MID1: variants seen among roughly 807,000 people sequenced by gnomAD.
The protein encoded by MID1 is midline 1.
A neutral mutation model predicts 40.4 loss-of-function variants in MID1; 7 were observed. The ratio of observed to expected loss-of-function variants is 0.17; its 90% CI spans 0.10 to 0.33. The LOEUF (loss-of-function observed/expected upper bound fraction) is 0.33, where lower values mean the gene tolerates loss of function less well. Among genes scored for constraint, MID1 ranks in the 10% least tolerant of loss-of-function variants. The pLI is 1.00. For synonymous variants in MID1, 229 were observed against 221.2 expected (o/e 1.04, Z -0.31); for missense variants, 367 against 558.5 (o/e 0.66, Z 3.46).
In MID1 at chrX:10,542,015, T is replaced by C. The variant is rs190515950; in HGVS notation, c.661-18828A>G. Among the ~76,000 whole-genome samples the C allele has an allele frequency of 5.4e-3, 605 of 112,359 alleles. 2 individuals are homozygous for C. Among genetic ancestry groups the C allele is most frequent in the Non-Finnish European group, 9.3e-3 (498 of 53,272 alleles). On this transcript the variant is annotated intron_variant, in intron 2 of 9. Coordinates refer to ENST00000317552, the MANE Select transcript of MID1 (RefSeq NM_000381.4). The stretch of plus-strand genomic sequence containing the variant: ...ACGGAACTTAGTGTGGACAGCGTTC[T>C]AATGGCATAGAATGGAATTTGGCAA...
chrX:10,486,646 G>A (rs925457116), intron 4 of MID1, among the ~76,000 whole-genome samples: 3 of 111,913 alleles, frequency 2.7e-5, no homozygotes, highest in Non-Finnish European at 3.8e-5. Context: ...AAAGGAGTGC[G>A]GCCCTCATCT....
chrX:10,696,649 G>A (rs1391382908), intron 1 of MID1, among the ~76,000 whole-genome samples: 1 of 111,877 alleles, frequency 8.9e-6, no homozygotes, highest in Non-Finnish European at 1.9e-5. Flanking sequence ...ATGTTGAAAT[G>A]ATAATAACTT....
chrX:10,538,007 T>C (rs1032624509), intron 2 of MID1, among the ~76,000 whole-genome samples: 3 of 111,959 alleles, frequency 2.7e-5, no homozygotes, highest in Admixed American at 9.5e-5. Flanking sequence ...TGTCTCACTT[T>C]GTCACCCAGG....
chrX:10,450,990 T>C (rs1276259886), intron 9 of MID1, among the ~76,000 whole-genome samples: 1 of 111,933 alleles, frequency 8.9e-6, no homozygotes, highest in Non-Finnish European at 1.9e-5. Flanking sequence ...CATGGGTCTT[T>C]AATAAAATGA....
chrX:10,804,462 T>C lies in MID1; in HGVS notation c.-187+29092A>G, dbSNP rs1048889857. On this transcript the variant is annotated intron_variant, in intron 1 of 10. Coordinates refer to the MID1 transcript ENST00000380785. Reference sequence around the variant, plus strand: ...GGTTATGCATGTTTACTGTTTGCTGTAGCTGTAGGTGTCATAGGCTTAGAT... The same window carrying C: ...GGTTATGCATGTTTACTGTTTGCTGCAGCTGTAGGTGTCATAGGCTTAGAT... Among the ~76,000 whole-genome samples, 4 of 112,130 alleles carry C rather than the reference T, an allele frequency of 3.6e-5. No homozygotes were observed. The Admixed American group carries it at 3.8e-4, about 11-fold the overall frequency.
intron 1 of MID1, among the ~76,000 whole-genome samples, chrX:10,761,242 T>TACACACACAC (rs61485561): frequency 6.5e-4 from 71 of 108,741 alleles, no homozygotes; most frequent in African/African-American, 2.3e-3. Flanking sequence ...TCCTTCATTT[T>TACACACACAC]ACACACACAC....
chrX:10,622,833 T>G (rs1159190737), upstream of MID1, among the ~76,000 whole-genome samples: 1 of 110,908 alleles, frequency 9.0e-6, no homozygotes, highest in African/African-American at 3.3e-5. Flanking sequence ...AAATGAAAGG[T>G]GGGGATACAC....
intron 1 of MID1, among the ~76,000 whole-genome samples, chrX:10,611,455 G>A (rs776389327): frequency 8.9e-6 from 1 of 112,080 alleles, no homozygotes; most frequent in South Asian, 3.7e-4. Context: ...AACATGAAAA[G>A]GGCAAATTTA....
rs575219983 is a variant in MID1 at position 10,472,510 on chromosome X, A to G, written c.1141+2113T>C. On this transcript the variant is annotated intron_variant, in intron 6 of 9. Transcript: ENST00000317552. ...GAAATGGCAAGGGCACATTCTTGTC[A>G]ATAAGACTGATTCTGGGCAGAATGG... 2.7e-5 allele frequency among the ~76,000 whole-genome samples: 3 copies of G among 112,864 alleles called. No homozygotes were observed. The East Asian group carries it at 8.4e-4, about 31-fold the overall frequency.
At chrX:10,727,675 C>T (rs1459771750) in intron 1 of MID1, among the ~76,000 whole-genome samples, 1 of 111,085 alleles carries the variant, frequency 9.0e-6, no homozygotes, top group Non-Finnish European at 1.9e-5. Flanking sequence ...ATGCAGATTC[C>T]CAGACTCTAA....
At chrX:10,619,843 A>C (rs1935902940) in intron 1 of MID1, among the ~76,000 whole-genome samples, 1 of 111,952 alleles carries the variant, frequency 8.9e-6, no homozygotes, top group Non-Finnish European at 1.9e-5. Context: ...GAAACACAGT[A>C]AGTGCTCAGA....
intron 4 of MID1, among the ~76,000 whole-genome samples, chrX:10,494,231 T>A (rs1931109787): frequency 8.9e-6 from 1 of 112,241 alleles, no homozygotes; most frequent in African/African-American, 3.2e-5. Context: ...AAATATTTTG[T>A]AATCTATATA....
chrX:10,783,786 T>C (rs1338514265), intron 1 of MID1, among the ~76,000 whole-genome samples: 1 of 111,807 alleles, frequency 8.9e-6, no homozygotes, highest in Admixed American at 9.5e-5. Flanking sequence ...TCATCATTTC[T>C]TTAGCAGCAG....
At chrX:10,644,084 A>G (rs1343459076) in intron 1 of MID1, among the ~76,000 whole-genome samples, 2 of 111,219 alleles carry the variant, frequency 1.8e-5, no homozygotes, top group African/African-American at 6.6e-5. Flanking sequence ...CAGCACACCA[A>G]CCTGGCACGT....
rs1001131284 is a variant in MID1 at position 10,567,465 on chromosome X, C to T, written c.83G>A (p.Ser28Asn). 8.3e-7 allele frequency: 1 copy of T among 1,211,303 alleles called. No homozygotes were observed. The highest frequency in any genetic ancestry group is 1.1e-6 in the Non-Finnish European group (1 of 895,312). ...GCGGTGGGCGCAGTTGAAGCAGAGG[C>T]TGTGTGCGCAGGGCAGTAGAAGAGG... ...EDPLLLPCAH[S>N]LCFNCAHRIL... The change falls in exon 2 of 10, where the codon AGC becomes AAC. Residue 28 changes from serine to asparagine, a missense_variant. Ser to Asn is a conservative substitution (Grantham distance 46). This residue lies in a region of MID1 where 78 missense variants were observed against 112.6 expected (regional missense o/e 0.69). Transcript: ENST00000317552.
At chrX:10,831,562 T>A (rs181914388) in intron 1 of MID1, among the ~76,000 whole-genome samples, 2 of 111,685 alleles carry the variant, frequency 1.8e-5, no homozygotes, top group African/African-American at 6.5e-5. Flanking sequence ...GTTCAGACAC[T>A]GGAAAAACTT....
intron 2 of MID1, among the ~76,000 whole-genome samples, chrX:10,551,183 AAAAGTCTATACATGTTCAGTAC>A (rs1230353128): frequency 8.9e-6 from 1 of 112,460 alleles, no homozygotes; most frequent in East Asian, 2.8e-4. Context: ...GAGATTTTTT[AAAAGTCTATACATGTTCAGTAC>A]AAACAAATGT....
intron 1 of MID1, among the ~76,000 whole-genome samples, chrX:10,674,677 T>G (rs1286807215): frequency 8.9e-6 from 1 of 112,265 alleles, no homozygotes; most frequent in African/African-American, 3.2e-5. Flanking sequence ...TGAATAATGT[T>G]GATCAAAACC....
intron 1 of MID1, among the ~76,000 whole-genome samples, chrX:10,788,578 C>T (rs756051644): frequency 9.2e-6 from 1 of 109,090 alleles, no homozygotes; most frequent in Non-Finnish European, 1.9e-5. Flanking sequence ...ATTGTATGTG[C>T]CAAACTGCAG....
Sources: gnomAD v4.1 joint callset for allele counts (sites outside exome capture counted in the v4.1 genomes callset) on GRCh38, gnomAD v4.1.1 for gene constraint, gnomAD v4.1.1 regional missense constraint, MANE v1.5 for transcripts, NCBI Gene and HGNC (gene_info 2026-07-23, HGNC 2026-07-21) for gene names.